The following ZNF341 variants were observed in gnomAD, a reference collection of about 807,000 sequenced individuals.
ZNF341 encodes the protein zinc finger protein 341.
ZNF341 carries 52 observed loss-of-function variants against 87.7 expected under a neutral mutation model. That is an observed-to-expected ratio of 0.59 (90% CI 0.47 to 0.75). ZNF341 has a LOEUF of 0.75. Among genes scored for constraint, ZNF341 ranks in the 30% least tolerant of loss-of-function variants. The pLI is 0.00. For synonymous variants in ZNF341, 459 were observed against 472.7 expected, an observed-to-expected ratio of 0.97 and a Z score of 0.38; for missense variants, 977 against 1,145.9, an observed-to-expected ratio of 0.85 and a Z score of 2.13.
chr20:33,757,339 G>A lies in ZNF341; in HGVS notation c.933G>A (p.Pro311=), dbSNP rs368038736. 1.5e-5 allele frequency: 22 copies of A among 1,495,656 alleles called. No homozygotes were observed. Among genetic ancestry groups the A allele is most frequent in the Middle Eastern group, 1.8e-4 (1 of 5,604 alleles). The allele number at this position is 1,495,656 out of a possible 1,614,324, so 92.6% of individuals were successfully genotyped here. The stretch of plus-strand genomic sequence containing the variant: ...GAGCTAAAGGTGCCAGGGGACTCCC[G>A]GAAGGTGGGCCCCCAGCCTGCCATG... ...TRRAKGARGL[P]EAAGKPKAQK... is the part of the protein sequence containing the mutation. Residue 311 remains proline (P), a synonymous_variant, in exon 6 of 15, where the codon CCG becomes CCA. Transcript: ENST00000375200.
chr20:33,785,314 A>G (rs901324334), intron 12 of ZNF341, among the ~76,000 whole-genome samples: 4 of 151,928 alleles, frequency 2.6e-5, no homozygotes, highest in Non-Finnish European at 5.9e-5. Context: ...AGTGTTTTCT[A>G]TTTTGTCCTT....
chr20:33,773,786 G>A (rs2122712081), intron 10 of ZNF341, among the ~76,000 whole-genome samples: 1 of 152,180 alleles, frequency 6.6e-6, no homozygotes, highest in South Asian at 2.1e-4. Flanking sequence ...CACCATGAGA[G>A]TTGATTCTGT....
intron 4 of ZNF341, chr20:33,752,356 G>A: frequency 1.6e-6 from 1 of 626,354 alleles, no homozygotes; most frequent in African/African-American, 1.8e-5. Context: ...TGGTATCAAT[G>A]CACACATCTG....
At chr20:33,762,624 C>G (rs74496587) in intron 8 of ZNF341, among the ~76,000 whole-genome samples, 3 of 151,880 alleles carry the variant, frequency 2.0e-5, no homozygotes, top group Non-Finnish European at 4.4e-5. Flanking sequence ...CGTATCACCC[C>G]ATCATCTAGG....
intron 12 of ZNF341, chr20:33,787,291 G>A (rs978282112): frequency 6.6e-6 from 1 of 151,638 alleles, no homozygotes; most frequent in Non-Finnish European, 1.5e-5. Context: ...TAAGAAAGAC[G>A]AGATTGTGTT....
intron 10 of ZNF341, among the ~76,000 whole-genome samples, chr20:33,780,665 C>T (rs1199792553): frequency 2.6e-5 from 4 of 151,754 alleles, no homozygotes; most frequent in Non-Finnish European, 5.9e-5. Flanking sequence ...CTGCCTCGGC[C>T]TCCCGAAGTA....
At chr20:33,788,503 C>A in intron 12 of ZNF341, 1 of 313,402 alleles carries the variant, frequency 3.2e-6, no homozygotes, top group Non-Finnish European at 6.2e-6. Flanking sequence ...GCTCGCTGCC[C>A]TCACCTTCTG....
chr20:33,791,562 T>A lies in ZNF341; in HGVS notation c.*45T>A. 2 of 1,496,844 alleles carry A rather than the reference T, an allele frequency of 1.3e-6. No homozygotes were observed. Among genetic ancestry groups the A allele is most frequent in the Non-Finnish European group, 8.9e-7 (1 of 1,127,450 alleles). The allele number at this position is 1,496,844 out of a possible 1,614,324, so 92.7% of individuals were successfully genotyped here. On this transcript the variant is annotated 3_prime_UTR_variant, in exon 15 of 15. Coordinates refer to ENST00000375200, the MANE Select transcript of ZNF341 (RefSeq NM_001282933.2). The stretch of plus-strand genomic sequence containing the variant: ...TCCTGGGCAGGCCTGATGCTCCTGT[T>A]TGGGTCCAGGGCCCCTGGGGGCAGA...
At chr20:33,743,335 AT>A (rs143611794) in intron 2 of ZNF341, among the ~76,000 whole-genome samples, 1,148 of 108,036 alleles carry the variant, frequency 0.011, 9 homozygotes, top group African/African-American at 0.027. Context: ...ACCCTGCCCA[AT>A]TTTTTTTTTT....
intron 9 of ZNF341, among the ~76,000 whole-genome samples, chr20:33,768,270 C>T (rs1204123468): frequency 2.0e-5 from 3 of 150,314 alleles, no homozygotes; most frequent in Non-Finnish European, 4.4e-5. Flanking sequence ...TTACAGGTGC[C>T]CCCCACCACA....
Position 33,791,040 on chromosome 20 carries a change from C to A in ZNF341, c.2088C>A (p.Ala696=). The change falls in exon 15 of 15, where the codon GCC becomes GCA. Residue 696 remains alanine (A), a synonymous_variant. Transcript: ENST00000375200. ...ALCSKSFSRR[A]HLAEHQRAHT... is the part of the protein sequence containing the mutation. ...GCAGCAAGTCCTTCAGCCGCCGTGCCCACCTCGCCGAGCATCAGCGCGCCC... is the reference window on the plus strand; with the variant it reads ...GCAGCAAGTCCTTCAGCCGCCGTGCACACCTCGCCGAGCATCAGCGCGCCC... 2 of 1,613,574 alleles carry A rather than the reference C, an allele frequency of 1.2e-6. No individual in the cohort carries two copies. The highest frequency in any genetic ancestry group is 1.7e-6 in the Non-Finnish European group (2 of 1,180,016).
At chr20:33,783,495 G>A (rs1337403322) in intron 11 of ZNF341, among the ~76,000 whole-genome samples, 1 of 152,154 alleles carries the variant, frequency 6.6e-6, no homozygotes, top group Non-Finnish European at 1.5e-5. Flanking sequence ...AAGAGAGAAA[G>A]GCCCTCTGGG....
chr20:33,787,595 T>C (rs913913865), intron 12 of ZNF341: 4 of 152,212 alleles, frequency 2.6e-5, no homozygotes, highest in African/African-American at 9.7e-5. Flanking sequence ...TGATTTCCTG[T>C]GGGTTCCTCA....
intron 11 of ZNF341, among the ~76,000 whole-genome samples, chr20:33,782,330 C>A (rs1327742091): frequency 1.3e-5 from 2 of 152,114 alleles, no homozygotes; most frequent in Admixed American, 1.3e-4. Flanking sequence ...TTTTTTCTTT[C>A]CTCTGAATTT....
At chr20:33,781,523 G>C (rs1274999014) in intron 11 of ZNF341, 136 bp downstream of exon 11, 2 of 721,204 alleles carry the variant, frequency 2.8e-6, no homozygotes, top group Admixed American at 4.7e-5. Flanking sequence ...CTGCTCCACA[G>C]ATGACACAGT....
At position 33,762,074 on chromosome 20, in the gene ZNF341, C is replaced by T. The variant is rs181503306; in HGVS notation, c.1222+19C>T. ...AGCACAGGTGGGTGGAAGTAGGGAA[C>T]GCCATGCTTCCCACACCTCTCTTCT... On this transcript the variant is annotated intron_variant, in intron 8 of 14. Transcript: ENST00000375200. The T allele has an allele frequency of 8.6e-6, 13 of 1,505,658 alleles. No homozygotes were observed. Among genetic ancestry groups the T allele is most frequent in the South Asian group, 5.1e-5 (4 of 78,206 alleles). 93.3% of individuals were successfully genotyped at this position (1,505,658 alleles called of 1,614,324 possible). A position where few individuals can be genotyped will look rare whatever the true frequency, so the allele number is the denominator to read the frequency against.
chr20:33,738,720 T>G (rs1408321635), intron 1 of ZNF341, among the ~76,000 whole-genome samples: 2 of 152,090 alleles, frequency 1.3e-5, no homozygotes, highest in Non-Finnish European at 2.9e-5. Flanking sequence ...ATGGGATACT[T>G]GCCATTGAAG....
chr20:33,748,165 A>G lies in ZNF341; in HGVS notation c.340-758A>G, dbSNP rs574661401. The stretch of plus-strand genomic sequence containing the variant: ...CAGCTCACTGCAACCTCCATCTCCC[A>G]GGTTCAAGCGGTTCTCCTGCCTCAG... On this transcript the variant is annotated intron_variant, in intron 3 of 14. Coordinates refer to ENST00000375200, the MANE Select transcript of ZNF341 (RefSeq NM_001282933.2). 7.2e-5 allele frequency among the ~76,000 whole-genome samples: 11 copies of G among 152,018 alleles called. No homozygotes were observed. In the South Asian group the frequency reaches 2.3e-3, roughly 32 times the overall value.
chr20:33,773,259 A>G (rs2019563692), intron 10 of ZNF341, among the ~76,000 whole-genome samples: 1 of 152,236 alleles, frequency 6.6e-6, no homozygotes, highest in Non-Finnish European at 1.5e-5. Flanking sequence ...CTAGTGTGAG[A>G]TCTTGGAAGC....
Sources: allele counts gnomAD v4.1 joint callset (sites outside exome capture counted in the v4.1 genomes callset), GRCh38; gene constraint gnomAD v4.1.1; transcripts MANE v1.5; gene names NCBI Gene and HGNC (gene_info 2026-07-23, HGNC 2026-07-21).